Variants in NDUFB4 observed in about 807,000 individuals in gnomAD.
The protein encoded by NDUFB4 is NADH dehydrogenase [ubiquinone] 1 beta subcomplex subunit 4.
In NDUFB4, 10 loss-of-function variants were observed where a neutral mutation model predicts 14.5. That is an observed-to-expected ratio of 0.69 (90% CI 0.43 to 1.17). The LOEUF is 1.17. NDUFB4 is among the 50% of genes most tolerant of loss of function. NDUFB4 has a pLI of 0.00. For missense variants in NDUFB4, 165 were observed against 161.1 expected (o/e 1.02, Z -0.13); for synonymous variants, 65 against 63.4 (o/e 1.03, Z -0.12).
chr3:120,597,139 C>G (rs950126477), intron 1 of NDUFB4, among the ~76,000 whole-genome samples: 4 of 150,756 alleles, frequency 2.7e-5, no homozygotes, highest in Non-Finnish European at 5.9e-5. Flanking sequence ...GGATACTGCT[C>G]TCTCCTGATG....
intron 1 of NDUFB4, among the ~76,000 whole-genome samples, chr3:120,598,638 A>C (rs1483992924): frequency 6.6e-6 from 1 of 152,128 alleles, no homozygotes; most frequent in Non-Finnish European, 1.5e-5. Flanking sequence ...GGCCCAGGGA[A>C]GCCCTCTGTT....
intron 1 of NDUFB4, 111 bp from the exon 2 acceptor site, chr3:120,601,000 C>G (rs1940049045): frequency 3.4e-6 from 3 of 885,064 alleles, no homozygotes; most frequent in Admixed American, 2.4e-5. Flanking sequence ...ATACCCTTAA[C>G]TGTTCTAGAG....
At chr3:120,596,658 G>C in intron 1 of NDUFB4, 119 bp downstream of exon 1, 1 of 1,165,942 alleles carries the variant, frequency 8.6e-7, no homozygotes, top group Non-Finnish European at 1.2e-6. Flanking sequence ...TCCTCTTCCA[G>C]GCCTAGCCAA....
At chr3:120,596,707 A>C in intron 1 of NDUFB4, 168 bp downstream of exon 1, 1 of 736,210 alleles carries the variant, frequency 1.4e-6, no homozygotes, top group Non-Finnish European at 2.2e-6. Flanking sequence ...TTGGCCCTCG[A>C]GAGGACCGGC....
intron 2 of NDUFB4, chr3:120,601,467 T>C: frequency 7.1e-7 from 1 of 1,403,514 alleles, no homozygotes; most frequent in Non-Finnish European, 9.2e-7. Flanking sequence ...TTTTTGTTAG[T>C]TCATTTGTTT....
At chr3:120,601,074 C>T (rs372955534) in intron 1 of NDUFB4, 37 bp from the exon 2 acceptor site, 394 of 1,564,442 alleles carry the variant, frequency 2.5e-4, no homozygotes, top group Non-Finnish European at 3.2e-4. Context: ...TGTGATCCTT[C>T]TTAAGTTCTA....
chr3:120,602,363 C>T lies in NDUFB4; in HGVS notation c.*93C>T. 5 of 1,250,246 alleles carry T rather than the reference C, an allele frequency of 4.0e-6. No individual in the cohort carries two copies. The highest frequency in any genetic ancestry group is 5.6e-6 in the Non-Finnish European group (5 of 888,792). The allele number at this position is 1,250,246 out of a possible 1,614,324, so 77.4% of individuals were successfully genotyped here. On this transcript the variant is annotated 3_prime_UTR_variant, in exon 3 of 3. Transcript: ENST00000184266. The stretch of plus-strand genomic sequence containing the variant: ...TCTCTTTCTTAGTATTACCTTGATT[C>T]AATGTTAAAAACTATTAACACCCTA...
chr3:120,601,222 C>A lies in NDUFB4; in HGVS notation c.292C>A (p.Leu98Ile). The change falls in exon 2 of 3, where the codon CTC becomes ATC. Residue 98 changes from leucine (L) to isoleucine (I), a missense_variant. Leu to Ile is a conservative substitution (Grantham distance 5). Coordinates refer to ENST00000184266, the MANE Select transcript of NDUFB4 (RefSeq NM_004547.6). ...LMGALCGFGPLIFIYYIIKTE... is the reference protein window; with the variant it reads ...LMGALCGFGPIIFIYYIIKTE... ...GGGAGCTCTGTGTGGATTTGGGCCC[C>A]TCATCTTCATTTATTATATTATCAA... The A allele has an allele frequency of 6.2e-7, 1 of 1,614,084 alleles. No individual in the cohort carries two copies. The highest frequency in any genetic ancestry group is 8.5e-7 in the Non-Finnish European group (1 of 1,179,980).
At chr3:120,597,583 AT>A (rs777392136) in intron 1 of NDUFB4, among the ~76,000 whole-genome samples, 1 of 152,232 alleles carries the variant, frequency 6.6e-6, no homozygotes. Context: ...CTATTTACAT[AT>A]CACAACTATT....
Position 120,602,198 on chromosome 3 carries a change from G to A in NDUFB4, c.328-10G>A, listed in dbSNP as rs1462159005. On this transcript the variant is annotated splice_polypyrimidine_tract_variant and intron_variant, in intron 2 of 2. Transcript: ENST00000184266. ...ATTGTCTTTAATGTACTTTTTTTCT[G>A]TCTTTACAGGATAGGAAAGAAAAAC... 6.2e-7 allele frequency: 1 copy of A among 1,604,048 alleles called. No individual in the cohort carries two copies. The highest frequency in any genetic ancestry group is 2.2e-5 in the East Asian group (1 of 44,748).
chr3:120,596,342 G>C lies in NDUFB4; in HGVS notation c.-18G>C, dbSNP rs1457043799. ...GCCTCAGAATCGCGCAGGCGCAATTGTGCCCTGGTTCGCCAAGATGTCGTT... is the reference window on the plus strand; with the variant it reads ...GCCTCAGAATCGCGCAGGCGCAATTCTGCCCTGGTTCGCCAAGATGTCGTT... On this transcript the variant is annotated 5_prime_UTR_variant, in exon 1 of 3. Coordinates refer to ENST00000184266, the MANE Select transcript of NDUFB4 (RefSeq NM_004547.6). 1.2e-6 allele frequency: 2 copies of C among 1,613,564 alleles called. No individual in the cohort carries two copies. The highest frequency in any genetic ancestry group is 1.3e-5 in the African/African-American group (1 of 75,068).
At chr3:120,597,378 T>G (rs1408622240) in intron 1 of NDUFB4, among the ~76,000 whole-genome samples, 2 of 152,228 alleles carry the variant, frequency 1.3e-5, no homozygotes, top group Non-Finnish European at 2.9e-5. Flanking sequence ...ATATGCCCAG[T>G]AAACTGGTAA....
At position 120,600,467 on chromosome 3, in the gene NDUFB4, A is replaced by C. The variant is rs191351499; in HGVS notation, c.181-644A>C. ...AAATGGACAATTATTTTCTTAAGAC[A>C]GTCTGATTATTTTTCTTTAACAACT... On this transcript the variant is annotated intron_variant, in intron 1 of 2. Transcript: ENST00000184266. 1.7e-3 allele frequency among the ~76,000 whole-genome samples: 255 copies of C among 152,266 alleles called. 1 individual carries two copies. The highest frequency in any genetic ancestry group is 2.3e-3 in the Non-Finnish European group (155 of 68,010).
Position 120,600,118 on chromosome 3 carries a change from TTTG to T in NDUFB4, c.181-990_181-988del, listed in dbSNP as rs1413496211. The stretch of plus-strand genomic sequence containing the variant: ...GCATTTCCATCATAAGGTTTTTTTT[TTTG>T]TTTTTTTTTTTTTTTAAACTTCTGA... On this transcript the variant is annotated intron_variant, in intron 1 of 2. Transcript: ENST00000184266. 4.3e-3 allele frequency among the ~76,000 whole-genome samples: 626 copies of T among 145,026 alleles called. 9 individuals are homozygous for T. Among genetic ancestry groups the T allele is most frequent in the Non-Finnish European group, 6.2e-3 (409 of 66,010 alleles).
intron 2 of NDUFB4, chr3:120,601,571 C>G (rs1000927803): frequency 1.7e-6 from 2 of 1,180,746 alleles, no homozygotes; most frequent in African/African-American, 3.2e-5. Context: ...TTATGTTGGT[C>G]ACATTTTGCA....
chr3:120,597,960 G>C (rs1939994086), intron 1 of NDUFB4, among the ~76,000 whole-genome samples: 1 of 152,068 alleles, frequency 6.6e-6, no homozygotes, highest in Non-Finnish European at 1.5e-5. Context: ...TGTAAATAGA[G>C]GTAATACTAC....
chr3:120,601,036 C>G, intron 1 of NDUFB4, 75 bp from the exon 2 acceptor site: 1 of 1,372,968 alleles, frequency 7.3e-7, no homozygotes, highest in Non-Finnish European at 1.0e-6. Flanking sequence ...TGCTCCTTCA[C>G]AAAAGTCCCT....
intron 2 of NDUFB4, 157 bp downstream of exon 2, chr3:120,601,414 CCAG>C (rs527372473): frequency 0.011 from 16,869 of 1,469,496 alleles, 106 homozygotes; most frequent in Non-Finnish European, 0.014. Flanking sequence ...TTATTCCTTT[CCAG>C]CAGGAGTTAA....
chr3:120,599,689 G>C (rs1436148297), intron 1 of NDUFB4, among the ~76,000 whole-genome samples: 1 of 152,088 alleles, frequency 6.6e-6, no homozygotes, highest in Admixed American at 6.5e-5. Context: ...CTATGGTCAT[G>C]GGGCAATTGG....
Sources: allele counts gnomAD v4.1 joint callset (sites outside exome capture counted in the v4.1 genomes callset), GRCh38; gene constraint gnomAD v4.1.1; transcripts MANE v1.5; gene names NCBI Gene and HGNC (gene_info 2026-07-23, HGNC 2026-07-21).